Variants in GABRB1 observed in about 807,000 individuals in gnomAD.
The protein encoded by GABRB1 is gamma-aminobutyric acid type A receptor subunit beta1.
Under a neutral mutation model 51.6 loss-of-function variants are expected in GABRB1, and 17 were observed. That is an observed-to-expected ratio of 0.33 (90% CI 0.23 to 0.49). The LOEUF (loss-of-function observed/expected upper bound fraction) is 0.49. Among genes scored for constraint, GABRB1 ranks in the 20% least tolerant of loss-of-function variants. The pLI is 0.99. For synonymous variants in GABRB1, 247 were observed against 218.9 expected, an observed-to-expected ratio of 1.13 and a Z score of -1.14; for missense variants, 410 against 600.6, an observed-to-expected ratio of 0.68 and a Z score of 3.32.
At chr4:47,257,236 G>T (rs897523109) in intron 4 of GABRB1, among the ~76,000 whole-genome samples, 4 of 152,238 alleles carry the variant, frequency 2.6e-5, no homozygotes, top group Non-Finnish European at 4.4e-5. Flanking sequence ...TTTCCTTCCT[G>T]GTTCCAGGGA....
chr4:47,251,431 AGGAGGTGGT>A (rs1721982227), intron 4 of GABRB1, among the ~76,000 whole-genome samples: 1 of 152,164 alleles, frequency 6.6e-6, no homozygotes, highest in African/African-American at 2.4e-5. Context: ...GCCTCCTGCC[AGGAGGTGGT>A]GCTTTCCCAA....
intron 4 of GABRB1, among the ~76,000 whole-genome samples, chr4:47,180,149 C>A (rs1179757858): frequency 6.6e-6 from 1 of 151,860 alleles, no homozygotes; most frequent in Admixed American, 6.6e-5. Context: ...TCTAAAACTT[C>A]TTTTGCAACA....
chr4:46,998,568 C>G (rs560007802), intron 1 of GABRB1, among the ~76,000 whole-genome samples: 1 of 151,794 alleles, frequency 6.6e-6, no homozygotes, highest in South Asian at 2.1e-4. Context: ...CCCGTCTCTA[C>G]TAAAAATACA....
At chr4:47,409,857 G>T (rs1728703033) in intron 8 of GABRB1, among the ~76,000 whole-genome samples, 1 of 152,214 alleles carries the variant, frequency 6.6e-6, no homozygotes. Flanking sequence ...GGATATCAGA[G>T]AAATTTTTTA....
At chr4:47,107,816 A>G (rs1715030208) in intron 3 of GABRB1, among the ~76,000 whole-genome samples, 1 of 152,044 alleles carries the variant, frequency 6.6e-6, no homozygotes. Context: ...TTTTCTTAAA[A>G]CAGGATTTTC....
At chr4:47,292,081 G>A (rs1396627540) in intron 4 of GABRB1, among the ~76,000 whole-genome samples, 1 of 152,192 alleles carries the variant, frequency 6.6e-6, no homozygotes, top group Non-Finnish European at 1.5e-5. Flanking sequence ...ATTCCCAAGT[G>A]TTATGGGTGG....
Position 47,376,952 on chromosome 4 carries a change from A to G in GABRB1, c.545-26366A>G, listed in dbSNP as rs1006544624. Among the ~76,000 whole-genome samples, 16 of 152,208 alleles carry G rather than the reference A, an allele frequency of 1.1e-4. No individual in the cohort carries two copies. The South Asian group carries it at 2.7e-3, about 26-fold the overall frequency. ...TGTTTCTTTTCTCCTCAGTCTTCCT[A>G]TAACATTTTGTATAGCCCTTTATTT... On this transcript the variant is annotated intron_variant, in intron 5 of 8. Coordinates refer to ENST00000295454, the MANE Select transcript of GABRB1 (RefSeq NM_000812.4).
At chr4:47,102,160 A>G (rs1210983424) in intron 3 of GABRB1, among the ~76,000 whole-genome samples, 2 of 152,044 alleles carry the variant, frequency 1.3e-5, no homozygotes, top group African/African-American at 2.4e-5. Context: ...CACAAGCCTT[A>G]CTAATCTGCA....
intron 4 of GABRB1, among the ~76,000 whole-genome samples, chr4:47,250,480 G>T (rs1268281369): frequency 6.6e-6 from 1 of 152,116 alleles, no homozygotes; most frequent in Non-Finnish European, 1.5e-5. Flanking sequence ...TGTGCTTCTT[G>T]TATTTAAATG....
intron 3 of GABRB1, among the ~76,000 whole-genome samples, chr4:47,089,548 C>T (rs562330476): frequency 1.6e-4 from 24 of 152,218 alleles, no homozygotes; most frequent in Middle Eastern, 3.4e-3. Context: ...ATTTTTCTAT[C>T]TATTCATGTT....
chr4:47,117,733 CT>C (rs1455513262), intron 3 of GABRB1, among the ~76,000 whole-genome samples: 3 of 151,990 alleles, frequency 2.0e-5, no homozygotes, highest in Non-Finnish European at 2.9e-5. Context: ...TTCAAAATAT[CT>C]TTTTATATAA....
chr4:47,183,754 C>T (rs1472418730), intron 4 of GABRB1, among the ~76,000 whole-genome samples: 3 of 151,892 alleles, frequency 2.0e-5, no homozygotes, highest in African/African-American at 7.2e-5. Flanking sequence ...CCTTCCTATA[C>T]AACTCACATA....
chr4:47,076,265 C>A (rs1048182163), intron 3 of GABRB1, among the ~76,000 whole-genome samples: 1 of 152,218 alleles, frequency 6.6e-6, no homozygotes, highest in Non-Finnish European at 1.5e-5. Context: ...GGAAATCTTG[C>A]TCTCAAAAAG....
chr4:47,311,441 G>A lies in GABRB1; in HGVS notation c.462-8686G>A, dbSNP rs1017368872. Among the ~76,000 whole-genome samples the A allele has an allele frequency of 1.3e-4, 19 of 150,006 alleles. 1 individual carries two copies. Among genetic ancestry groups the A allele is most frequent in the Non-Finnish European group, 3.0e-5 (2 of 67,580 alleles). On this transcript the variant is annotated intron_variant, in intron 4 of 8. Coordinates refer to ENST00000295454, the MANE Select transcript of GABRB1 (RefSeq NM_000812.4). ...AAAAAAAAAAAAAAAAAAGATAGTC[G>A]ATTATCTTGGAATATCTTAGTGGGC...
rs1019729235 is a variant in GABRB1 at position 47,150,050 on chromosome 4, C to A, written c.241-11199C>A. Among the ~76,000 whole-genome samples, 40 of 151,892 alleles carry A rather than the reference C, an allele frequency of 2.6e-4. 1 individual carries two copies. Among genetic ancestry groups the A allele is most frequent in the African/African-American group, 8.2e-4 (34 of 41,436 alleles). On this transcript the variant is annotated intron_variant, in intron 3 of 8. Coordinates refer to ENST00000295454, the MANE Select transcript of GABRB1 (RefSeq NM_000812.4). ...GCTAAATATTTAGAAAATGATGGTTCCAAAGGAGCAGGCTATGGTCTTATT... is the reference window on the plus strand; with the variant it reads ...GCTAAATATTTAGAAAATGATGGTTACAAAGGAGCAGGCTATGGTCTTATT...
intron 3 of GABRB1, among the ~76,000 whole-genome samples, chr4:47,104,277 T>C (rs997980307): frequency 6.6e-6 from 1 of 151,846 alleles, no homozygotes; most frequent in African/African-American, 2.4e-5. Flanking sequence ...CTCATCTCTA[T>C]TCTTCTGAAT....
At chr4:47,230,906 G>T (rs911214979) in intron 4 of GABRB1, among the ~76,000 whole-genome samples, 4 of 152,168 alleles carry the variant, frequency 2.6e-5, no homozygotes, top group Admixed American at 1.3e-4. Context: ...GAGAAAGGTA[G>T]TCAAATGACT....
At chr4:47,129,969 G>A (rs962391546) in intron 3 of GABRB1, among the ~76,000 whole-genome samples, 3 of 152,104 alleles carry the variant, frequency 2.0e-5, no homozygotes, top group African/African-American at 4.8e-5. Flanking sequence ...GTAAAACATT[G>A]TGTTTTATTT....
intron 8 of GABRB1, among the ~76,000 whole-genome samples, chr4:47,415,877 C>T (rs1293355899): frequency 6.6e-6 from 1 of 152,122 alleles, no homozygotes; most frequent in Non-Finnish European, 1.5e-5. Context: ...ACATTCTAGC[C>T]ACCTCTGCAG....
Sources: allele counts gnomAD v4.1 joint callset (sites outside exome capture counted in the v4.1 genomes callset), GRCh38; gene constraint gnomAD v4.1.1; transcripts MANE v1.5; gene names NCBI Gene and HGNC (gene_info 2026-07-23, HGNC 2026-07-21).